Variants in PNPT1 observed in about 807,000 individuals in gnomAD.
PNPT1 encodes the protein polyribonucleotide nucleotidyltransferase 1, also known as polyribonucleotide nucleotidyltransferase 1, mitochondrial.
Under a neutral mutation model 119.5 loss-of-function variants are expected in PNPT1, and 53 were observed. The observed-to-expected ratio is 0.44, with a 90% CI of 0.36 to 0.56. PNPT1 has a LOEUF of 0.56. Among genes scored for constraint, PNPT1 ranks in the 20% least tolerant of loss-of-function variants. The pLI, the probability that PNPT1 is intolerant of heterozygous loss-of-function variation, is 0.00. For missense variants in PNPT1, 948 were observed against 938.5 expected (o/e 1.01, Z -0.13); for synonymous variants, 357 against 322.1 (o/e 1.11, Z -1.16).
rs750498837 is a variant in PNPT1, at chr2:55,647,362, C to T, written c.1587G>A (p.Leu529=). The T allele has an allele frequency of 5.0e-6, 8 of 1,606,080 alleles. No individual in the cohort carries two copies. The highest frequency in any genetic ancestry group is 6.8e-6 in the Non-Finnish European group (8 of 1,175,734). Residue 529 remains leucine, a synonymous_variant, in exon 19 of 28, where the codon TTG becomes TTA. Transcript: ENST00000447944. ...PEKGEIEDYR[L]LTDILGIEDY... is the part of the protein sequence containing the mutation. The stretch of plus-strand genomic sequence containing the variant: ...ATATACTTGCCAAAATATCTGTCAG[C>T]AAACGATAATCTTCTATTTCACCCT...
At chr2:55,680,615 T>C (rs1697219054) in intron 7 of PNPT1, 97 bp downstream of exon 7, 2 of 1,124,178 alleles carry the variant, frequency 1.8e-6, no homozygotes, top group Non-Finnish European at 1.3e-6. Flanking sequence ...GAAGAGGTAA[T>C]AAATCAGAGC....
chr2:55,680,713 A>G lies in PNPT1; in HGVS notation c.564T>C (p.Val188=), dbSNP rs780866185. ...SLSDIPWNGP[V]GAVRIGIIDG... is the part of the protein sequence containing the mutation. The stretch of plus-strand genomic sequence containing the variant: ...TCTTACTTTTAAATCCTAACTTACC[A>G]ACAGGTCCATTCCAAGGAATATCTG... Residue 188 remains valine (V), a splice_region_variant and synonymous_variant, in exon 7 of 28, where the codon GTT becomes GTC. Coordinates refer to ENST00000447944, the MANE Select transcript of PNPT1 (RefSeq NM_033109.5). The G allele has an allele frequency of 1.9e-6, 3 of 1,612,086 alleles. No homozygotes were observed. The highest frequency in any genetic ancestry group is 2.5e-6 in the Non-Finnish European group (3 of 1,179,204).
At chr2:55,650,147 T>C (rs1559090977) in intron 18 of PNPT1, among the ~76,000 whole-genome samples, 2 of 150,742 alleles carry the variant, frequency 1.3e-5, no homozygotes, top group African/African-American at 4.8e-5. Flanking sequence ...TCTCCACCTC[T>C]ACCTCTACCT....
At chr2:55,653,494 T>C (rs1696277396) in intron 18 of PNPT1, among the ~76,000 whole-genome samples, 1 of 152,228 alleles carries the variant, frequency 6.6e-6, no homozygotes, top group Non-Finnish European at 1.5e-5. Context: ...TGTTTTCCAG[T>C]ATGAGATTTG....
rs769291565 is a variant in PNPT1 at position 55,644,627 on chromosome 2, C to A, written c.1906+10G>T. ...TAATTAAAAAACCCCAAACTTCATA[C>A]AACTCTTACCTGTTTCAGCCTGAAG... On this transcript the variant is annotated intron_variant, in intron 23 of 27. Coordinates refer to ENST00000447944, the MANE Select transcript of PNPT1 (RefSeq NM_033109.5). 1 of 1,588,874 alleles carries A rather than the reference C, an allele frequency of 6.3e-7. No individual in the cohort carries two copies. The highest frequency in any genetic ancestry group is 8.6e-7 in the Non-Finnish European group (1 of 1,159,370).
chr2:55,654,601 T>A (rs1696324867), intron 18 of PNPT1, among the ~76,000 whole-genome samples: 1 of 152,242 alleles, frequency 6.6e-6, no homozygotes, highest in Non-Finnish European at 1.5e-5. Flanking sequence ...GATATCTGGA[T>A]ATCTGAAGCT....
intron 11 of PNPT1, among the ~76,000 whole-genome samples, chr2:55,669,887 T>C (rs984964604): frequency 1.7e-4 from 26 of 151,762 alleles, no homozygotes; most frequent in African/African-American, 6.0e-4. Flanking sequence ...GCCTCCCAAG[T>C]AGCTGGGATT....
intron 8 of PNPT1, among the ~76,000 whole-genome samples, chr2:55,678,917 A>G (rs561500433): frequency 6.6e-5 from 10 of 152,338 alleles, no homozygotes; most frequent in African/African-American, 1.9e-4. Context: ...AAAGTTGAAT[A>G]GTTTGTTTCA....
chr2:55,647,493 A>G, intron 18 of PNPT1, 40 bp from the exon 19 acceptor site: 1 of 1,454,978 alleles, frequency 6.9e-7, no homozygotes, highest in Middle Eastern at 1.8e-4. Flanking sequence ...TAATGTGTAC[A>G]TGAGCCTAAA....
At chr2:55,648,545 T>C (rs1380323210) in intron 18 of PNPT1, among the ~76,000 whole-genome samples, 1 of 152,230 alleles carries the variant, frequency 6.6e-6, no homozygotes, top group Non-Finnish European at 1.5e-5. Flanking sequence ...AAAATGGTTA[T>C]TTTAAATCTG....
chr2:55,636,193 C>A lies in PNPT1; in HGVS notation c.*44G>T. ...TAAAATGTTGCTCTACAGCACATCA[C>A]CCTAGACAAAATAGAATTCTAGAAT... On this transcript the variant is annotated 3_prime_UTR_variant, in exon 28 of 28. Coordinates refer to ENST00000447944, the MANE Select transcript of PNPT1 (RefSeq NM_033109.5). 1 of 1,509,358 alleles carries A rather than the reference C, an allele frequency of 6.6e-7. No homozygotes were observed. The highest frequency in any genetic ancestry group is 9.1e-7 in the Non-Finnish European group (1 of 1,098,926). The allele number at this position is 1,509,358 out of a possible 1,614,324, so 93.5% of individuals were successfully genotyped here.
intron 27 of PNPT1, 88 bp downstream of exon 27, chr2:55,637,464 G>T: frequency 8.2e-7 from 1 of 1,214,012 alleles, no homozygotes; most frequent in Non-Finnish European, 1.2e-6. Flanking sequence ...TTCATAGATG[G>T]TGACTCTTCT....
At chr2:55,656,086 G>A in intron 17 of PNPT1, 45 bp downstream of exon 17, 1 of 1,582,148 alleles carries the variant, frequency 6.3e-7, no homozygotes, top group Admixed American at 1.9e-5. Context: ...ATAGAATAGG[G>A]AATATGGTCT....
chr2:55,649,124 C>T lies in PNPT1; in HGVS notation c.1496-1671G>A, dbSNP rs1572801140. On this transcript the variant is annotated intron_variant, in intron 18 of 27. Coordinates refer to ENST00000447944, the MANE Select transcript of PNPT1 (RefSeq NM_033109.5). ...CTGTCAGACATCTCCAGCTAAATGT[C>T]CCCAAAGCACCTTAAATATATATTC... Among the ~76,000 whole-genome samples, 3 of 152,240 alleles carry T rather than the reference C, an allele frequency of 2.0e-5. No individual in the cohort carries two copies. The South Asian group carries it at 6.2e-4, about 32-fold the overall frequency.
At position 55,693,717 on chromosome 2, in the gene PNPT1, C is replaced by G. The variant is rs1697696282; in HGVS notation, c.107G>C (p.Arg36Pro). 1.9e-6 allele frequency: 3 copies of G among 1,614,224 alleles called. No individual in the cohort carries two copies. Among genetic ancestry groups the G allele is most frequent in the Non-Finnish European group, 2.5e-6 (3 of 1,180,038 alleles). The change falls in exon 1 of 28, where the codon CGA becomes CCA. Residue 36 changes from arginine to proline, a missense_variant. Transcript: ENST00000447944. ...RDRALTQLQV[R>P]ALWSSAGSRA... ...AGACCCTGCGCTACTCCATAGTGCT[C>G]GCACTTGCAACTGGGTGAGTGCCCG...
chr2:55,666,567 G>C (rs1447625229), intron 13 of PNPT1, among the ~76,000 whole-genome samples: 2 of 152,190 alleles, frequency 1.3e-5, no homozygotes, highest in Non-Finnish European at 2.9e-5. Context: ...AAGGCCAGGC[G>C]TGGTGGCTCA....
intron 1 of PNPT1, among the ~76,000 whole-genome samples, chr2:55,691,878 A>ATATATATTTTTTT (rs1326804958): frequency 2.4e-4 from 8 of 33,122 alleles, no homozygotes; most frequent in Non-Finnish European, 4.1e-4. Context: ...ATATATATAT[A>ATATATATTTTTTT]TTTTTTTTTT....
At chr2:55,679,886 T>C (rs947777410) in intron 7 of PNPT1, 91 bp from the exon 8 acceptor site, 116 of 829,502 alleles carry the variant, frequency 1.4e-4, no homozygotes, top group Middle Eastern at 9.1e-4. Context: ...CCATCTTTGA[T>C]TGTGACCACA....
intron 21 of PNPT1, 143 bp downstream of exon 21, chr2:55,646,116 C>T: frequency 2.5e-6 from 2 of 808,272 alleles, no homozygotes; most frequent in Middle Eastern, 3.7e-4. Flanking sequence ...ACATGAGCCA[C>T]CACACCTGGC....
Sources: allele counts gnomAD v4.1 joint callset (sites outside exome capture counted in the v4.1 genomes callset), GRCh38; gene constraint gnomAD v4.1.1; transcripts MANE v1.5; gene names NCBI Gene and HGNC (gene_info 2026-07-23, HGNC 2026-07-21).